Variants in IL23A observed in about 807,000 individuals in gnomAD.
The protein encoded by IL23A is interleukin-23 subunit alpha.
Under a neutral mutation model 20.7 loss-of-function variants are expected in IL23A, and 16 were observed. The ratio of observed to expected loss-of-function variants is 0.77; its 90% CI spans 0.52 to 1.17. The LOEUF (loss-of-function observed/expected upper bound fraction) is 1.17, where lower values mean the gene tolerates loss of function less well. Among genes scored for constraint, IL23A ranks in the 50% most tolerant of loss-of-function variants. The probability of loss-of-function intolerance (pLI) is 0.00; values close to 1 mark genes in which losing one functional copy is unlikely to be tolerated. For missense variants in IL23A, 175 were observed against 229.5 expected, an observed-to-expected ratio of 0.76 and a Z score of 1.53; for synonymous variants, 80 against 88.7, an observed-to-expected ratio of 0.90 and a Z score of 0.55.
chr12:56,339,557 G>A, intron 2 of IL23A, 33 bp downstream of exon 2: 1 of 1,587,272 alleles, frequency 6.3e-7, no homozygotes, highest in African/African-American at 1.3e-5. Context: ...CAATGAAGGA[G>A]AGGGGACTGA....
At position 56,340,309 on chromosome 12, in the gene IL23A, T is replaced by G; in HGVS notation, c.*205T>G. 1.8e-6 allele frequency: 1 copy of G among 550,290 alleles called. No homozygotes were observed. Among genetic ancestry groups the G allele is most frequent in the Non-Finnish European group, 3.2e-6 (1 of 315,450 alleles). 34.1% of individuals were successfully genotyped at this position (550,290 alleles called of 1,614,324 possible). On this transcript the variant is annotated 3_prime_UTR_variant, in exon 4 of 4. Transcript: ENST00000228534. ...GTATTTATTAGATGGGAAGGGAAAT[T>G]TGGGGATTATTTATCCTCCTGGGGA... is the stretch of plus-strand genomic sequence containing the variant.
In IL23A at chr12:56,339,052, G is replaced by A. The variant is rs1876393751; in HGVS notation, c.8G>A (p.Gly3Glu). The change falls in exon 1 of 4, where the codon GGG (glycine) becomes GAG (glutamate). Residue 3 changes from glycine (G) to glutamate (E), a missense_variant. Gly to Glu is a moderately conservative substitution (Grantham distance 98). Transcript: ENST00000228534. ...TGAGAAGAAGGCAAAAAGATGCTGG[G>A]GAGCAGAGCTGTAATGCTGCTGTTG... Reference protein sequence around the residue: MLGSRAVMLLLLL... With the variant: MLESRAVMLLLLL... 1 of 1,394,242 alleles carries A rather than the reference G, an allele frequency of 7.2e-7. No homozygotes were observed. Among genetic ancestry groups the A allele is most frequent in the Non-Finnish European group, 9.4e-7 (1 of 1,064,166 alleles). 86.4% of individuals were successfully genotyped at this position (1,394,242 alleles called of 1,614,324 possible).
chr12:56,340,151 G>A lies in IL23A; in HGVS notation c.*47G>A, dbSNP rs1876446037. ...ACTCAGATCTCCATGGCCCAGCAAG[G>A]CCAAGATAAATCTACCACCCCAGGC... On this transcript the variant is annotated 3_prime_UTR_variant, in exon 4 of 4. Transcript: ENST00000228534. 1.9e-6 allele frequency: 3 copies of A among 1,586,804 alleles called. No homozygotes were observed. The highest frequency in any genetic ancestry group is 1.4e-5 in the African/African-American group (1 of 74,020).
Position 56,339,426 on chromosome 12 carries a change from G to A in IL23A, c.163G>A (p.Asp55Asn), listed in dbSNP as rs773345315. ...WSAHPLVGHM[D>N]LREEGDEETT... is the part of the protein sequence containing the mutation. ...CTTTCCACCTCTTCCTTCATTCCAGGATCTAAGAGAAGAGGGAGATGAAGA... is the reference window on the plus strand; with the variant it reads ...CTTTCCACCTCTTCCTTCATTCCAGAATCTAAGAGAAGAGGGAGATGAAGA... The change falls in exon 2 of 4, where the codon GAT (aspartate) becomes AAT (asparagine). Residue 55 changes from aspartate (D) to asparagine (N), a missense_variant and splice_region_variant. Transcript: ENST00000228534. The A allele has an allele frequency of 1.9e-6, 3 of 1,599,552 alleles. No individual in the cohort carries two copies. The highest frequency in any genetic ancestry group is 1.3e-5 in the African/African-American group (1 of 74,564).
At position 56,339,148 on chromosome 12, in the gene IL23A, A is replaced by G. The variant is rs370833575; in HGVS notation, c.104A>G (p.Gln35Arg). 13 of 1,585,578 alleles carry G rather than the reference A, an allele frequency of 8.2e-6. No homozygotes were observed. The highest frequency in any genetic ancestry group is 8.6e-6 in the Non-Finnish European group (10 of 1,162,710). ...GSSPAWTQCQ[Q>R]LSQKLCTLAW... is the part of the protein sequence containing the mutation. ...AGCCCTGCCTGGACTCAGTGCCAGC[A>G]GCTTTCACAGAAGCTCTGCACACTG... is the stretch of plus-strand genomic sequence containing the variant. Residue 35 changes from glutamine (Q) to arginine (R), a missense_variant, in exon 1 of 4, where the codon CAG (glutamine) becomes CGG (arginine). By Grantham distance (43) the Gln-to-Arg change is conservative. Transcript: ENST00000228534.
At chr12:56,339,650 G>C in intron 2 of IL23A, 41 bp from the exon 3 acceptor site, 1 of 1,610,086 alleles carries the variant, frequency 6.2e-7, no homozygotes, top group Non-Finnish European at 8.5e-7. Context: ...GAATGGAGTA[G>C]GAAGAGGGTG....
Sources: allele counts gnomAD v4.1 joint callset, GRCh38; gene constraint gnomAD v4.1.1; transcripts MANE v1.5; gene names NCBI Gene and HGNC (gene_info 2026-07-23, HGNC 2026-07-21).